Variants in DPYD observed in about 807,000 individuals in gnomAD.
DPYD encodes the protein dihydropyrimidine dehydrogenase [NADP(+)].
DPYD carries 109 observed loss-of-function variants against 116.2 expected under a neutral mutation model. The observed-to-expected ratio is 0.94, with a 90% CI of 0.80 to 1.10. The LOEUF (loss-of-function observed/expected upper bound fraction) is 1.10. Ranked by LOEUF, DPYD falls within the 50% of genes least tolerant of loss-of-function variation. DPYD has a pLI of 0.00. For synonymous variants in DPYD, 440 were observed against 432.0 expected, an observed-to-expected ratio of 1.02 and a Z score of -0.23; for missense variants, 1,302 against 1,254.5, an observed-to-expected ratio of 1.04 and a Z score of -0.57.
chr1:97,246,178 A>C (rs1344408062), intron 18 of DPYD, among the ~76,000 whole-genome samples: 1 of 152,168 alleles, frequency 6.6e-6, no homozygotes, highest in Non-Finnish European at 1.5e-5. Context: ...GTTGACAATA[A>C]CATTTCTTCC....
chr1:97,648,616 C>G (rs940029791), intron 8 of DPYD, among the ~76,000 whole-genome samples: 2 of 151,854 alleles, frequency 1.3e-5, no homozygotes, highest in African/African-American at 4.8e-5. Flanking sequence ...TATAAAGACA[C>G]GCAGTTTTAT....
chr1:97,257,851 T>C (rs1045018071), intron 18 of DPYD, among the ~76,000 whole-genome samples: 1 of 152,128 alleles, frequency 6.6e-6, no homozygotes, highest in Admixed American at 6.6e-5. Flanking sequence ...GCTAAATGAA[T>C]ATATAAATAA....
Position 97,450,336 on chromosome 1 carries a change from G to A in DPYD, c.1741-113C>T, listed in dbSNP as rs927694327. Reference sequence around the variant, plus strand: ...TTATGAGGTCCCTTCTCACATTTTTGCAGAGGAATTTTTAATATACATTAA... The same window carrying A: ...TTATGAGGTCCCTTCTCACATTTTTACAGAGGAATTTTTAATATACATTAA... On this transcript the variant is annotated intron_variant, in intron 13 of 22. Coordinates refer to ENST00000370192, the MANE Select transcript of DPYD (RefSeq NM_000110.4). The A allele has an allele frequency of 1.5e-5, 18 of 1,165,874 alleles. No homozygotes were observed. The African/African-American group carries it at 2.2e-4, about 14-fold the overall frequency. 72.2% of individuals were successfully genotyped at this position (1,165,874 alleles called of 1,614,324 possible).
At chr1:97,685,370 A>G (rs555862342) in intron 7 of DPYD, among the ~76,000 whole-genome samples, 1 of 152,150 alleles carries the variant, frequency 6.6e-6, no homozygotes, top group Non-Finnish European at 1.5e-5. Context: ...TTTACAATAA[A>G]CCCACAGCCA....
chr1:97,242,160 ATATATATATATC>A (rs2100776761), intron 18 of DPYD, among the ~76,000 whole-genome samples: 1 of 120,760 alleles, frequency 8.3e-6, no homozygotes, highest in African/African-American at 3.1e-5. Context: ...ATATATATAT[ATATATATATATC>A]TTCTAAGTCT....
intron 14 of DPYD, among the ~76,000 whole-genome samples, chr1:97,412,157 T>A (rs1013916387): frequency 3.9e-5 from 6 of 152,212 alleles, no homozygotes; most frequent in African/African-American, 1.4e-4. Flanking sequence ...AGTGCTGAAC[T>A]AAAGTCACAT....
rs529504711 is a variant in DPYD at position 97,130,730 on chromosome 1, C to G, written c.2623-32098G>C. Reference sequence around the variant, plus strand: ...TCTCTCCCTCTCTCTTTCTTTCTTTCTTCCTTTCTTTCTTCTTTCTCCCTT... The same window carrying G: ...TCTCTCCCTCTCTCTTTCTTTCTTTGTTCCTTTCTTTCTTCTTTCTCCCTT... On this transcript the variant is annotated intron_variant, in intron 20 of 22. Transcript: ENST00000370192. Among the ~76,000 whole-genome samples the G allele has an allele frequency of 1.0e-4, 11 of 109,746 alleles. No individual in the cohort carries two copies. In the South Asian group the frequency reaches 3.8e-3, roughly 38 times the overall value. The allele number at this position is 109,746 out of a possible 152,430, so 72.0% of individuals were successfully genotyped here. A position where few individuals can be genotyped will look rare whatever the true frequency, so the allele number is the denominator to read the frequency against.
chr1:97,851,249 CATAT>C lies in DPYD; in HGVS notation c.151-23057_151-23054del, dbSNP rs60887494. ...ACATAAATTATCATTGTCTAATTAC[CATAT>C]ATATATATATATATGTCACTTCTGT... is the stretch of plus-strand genomic sequence containing the variant. On this transcript the variant is annotated intron_variant, in intron 2 of 22. Coordinates refer to ENST00000370192, the MANE Select transcript of DPYD (RefSeq NM_000110.4). Among the ~76,000 whole-genome samples the C allele has an allele frequency of 4.1e-3, 606 of 146,940 alleles. 4 individuals are homozygous for C. Among genetic ancestry groups the C allele is most frequent in the African/African-American group, 0.014 (576 of 40,396 alleles).
intron 2 of DPYD, among the ~76,000 whole-genome samples, chr1:97,854,789 G>T (rs925839478): frequency 6.6e-6 from 1 of 152,090 alleles, no homozygotes; most frequent in African/African-American, 2.4e-5. Context: ...AACAAAAGAG[G>T]GTACAGGGTC....
chr1:97,764,070 A>G (rs2101135537), intron 3 of DPYD, among the ~76,000 whole-genome samples: 1 of 152,190 alleles, frequency 6.6e-6, no homozygotes. Flanking sequence ...GAAGGATGGC[A>G]TGAGACGGGA....
At chr1:97,464,706 C>T (rs1383832847) in intron 13 of DPYD, among the ~76,000 whole-genome samples, 1 of 152,200 alleles carries the variant, frequency 6.6e-6, no homozygotes, top group Non-Finnish European at 1.5e-5. Context: ...GTTTGGGAAA[C>T]TTTGCCTAGA....
At chr1:97,133,300 T>A (rs1653474688) in intron 20 of DPYD, among the ~76,000 whole-genome samples, 1 of 152,112 alleles carries the variant, frequency 6.6e-6, no homozygotes. Flanking sequence ...GTCTTCTCCT[T>A]TTTTAATTGC....
intron 2 of DPYD, among the ~76,000 whole-genome samples, chr1:97,831,236 A>G (rs980513495): frequency 2.6e-5 from 4 of 152,250 alleles, no homozygotes; most frequent in African/African-American, 9.6e-5. Context: ...GCCATATAGA[A>G]TAAGTATTTC....
At chr1:97,685,503 C>A (rs971860664) in intron 7 of DPYD, among the ~76,000 whole-genome samples, 5 of 152,058 alleles carry the variant, frequency 3.3e-5, no homozygotes, top group Non-Finnish European at 5.9e-5. Flanking sequence ...GGCAATCAGG[C>A]AAAAGACAGA....
At chr1:97,098,991 G>A (rs1650469878) in intron 20 of DPYD, among the ~76,000 whole-genome samples, 1 of 152,016 alleles carries the variant, frequency 6.6e-6, no homozygotes. Context: ...ATAGACAGAA[G>A]GTGAAACCTA....
chr1:97,789,448 T>G (rs1667207150), intron 3 of DPYD, among the ~76,000 whole-genome samples: 1 of 152,224 alleles, frequency 6.6e-6, no homozygotes, highest in Admixed American at 6.5e-5. Context: ...AAGCTATTAT[T>G]TGCATGTTTA....
chr1:97,242,976 A>G (rs1662477192), intron 18 of DPYD, among the ~76,000 whole-genome samples: 1 of 151,908 alleles, frequency 6.6e-6, no homozygotes, highest in South Asian at 2.1e-4. Flanking sequence ...AGCAAATTGG[A>G]ACGAACAATT....
chr1:97,557,878 G>A (rs1398433615), intron 11 of DPYD, among the ~76,000 whole-genome samples: 2 of 152,154 alleles, frequency 1.3e-5, no homozygotes, highest in Non-Finnish European at 2.9e-5. Context: ...TATCTTATTA[G>A]ATCACAAAAG....
chr1:97,381,497 C>T (rs1208645649), intron 15 of DPYD, among the ~76,000 whole-genome samples: 2 of 152,058 alleles, frequency 1.3e-5, no homozygotes, highest in Admixed American at 6.6e-5. Context: ...ATCAAATGAA[C>T]CCAGCATGGA....
Sources: allele counts gnomAD v4.1 joint callset (sites outside exome capture counted in the v4.1 genomes callset), GRCh38; gene constraint gnomAD v4.1.1; transcripts MANE v1.5; gene names NCBI Gene and HGNC (gene_info 2026-07-23, HGNC 2026-07-21).